The following CIC variants were observed in gnomAD, a reference collection of about 807,000 sequenced individuals.
The protein encoded by CIC is capicua transcriptional repressor, also known as protein capicua homolog.
In CIC, 18 loss-of-function variants were observed where a neutral mutation model predicts 115.7. The ratio of observed to expected loss-of-function variants is 0.16; its 90% CI spans 0.11 to 0.23. CIC has a LOEUF of 0.23. Among genes scored for constraint, CIC ranks in the 10% least tolerant of loss-of-function variants. The pLI, the probability that CIC is intolerant of heterozygous loss-of-function variation, is 1.00. For missense variants in CIC, 2,000 were observed against 2,159.3 expected, an observed-to-expected ratio of 0.93 and a Z score of 1.46; for synonymous variants, 1,076 against 923.0, an observed-to-expected ratio of 1.17 and a Z score of -3.01.
rs916100307 is a variant in CIC, at chr19:42,292,997, C to T, written c.6238C>T (p.Arg2080Trp). 2.2e-5 allele frequency: 35 copies of T among 1,613,438 alleles called. No individual in the cohort carries two copies. Among genetic ancestry groups the T allele is most frequent in the South Asian group, 5.5e-5 (5 of 91,092 alleles). The change falls in exon 16 of 21, where the codon CGG (arginine) becomes TGG (tryptophan). Residue 2080 changes from arginine to tryptophan, a missense_variant. Arg to Trp is a moderately radical substitution (Grantham distance 101). Around this residue, in one of 8 missense-constraint regions of CIC, gnomAD observed 1,466 missense variants for 1,390.4 expected, o/e 1.05. Transcript: ENST00000681038. Reference protein sequence around the residue: ...TYSLVAPKAQRPSPKAPQKVK... With the variant: ...TYSLVAPKAQWPSPKAPQKVK... ...CAGCTTAGTGGCCCCCAAGGCCCAG[C>T]GGCCCAGCCCGAAGGCCCCCCAGAA...
At chr19:42,290,130 C>A (rs1037792262) in intron 10 of CIC, 103 bp from the exon 11 acceptor site, 15 of 1,552,156 alleles carry the variant, frequency 9.7e-6, no homozygotes, top group Non-Finnish European at 1.2e-5. Flanking sequence ...AGGGGTGCAG[C>A]CCTAGGCTGG....
rs2037716622 is a variant in CIC at position 42,287,183 on chromosome 19, C to G, written c.3122C>G (p.Ser1041Cys). ...GPPPTTEEEA[S>C]GPPGEPRLDS... ...CCTCCCACCACGGAGGAGGAGGCCT[C>G]CGGCCCCCCAGGAGAGCCCCGGCTG... The change falls in exon 4 of 21, where the codon TCC becomes TGC. Residue 1041 changes from serine to cysteine, a missense_variant. This residue lies in a region of CIC where 222 missense variants were observed against 247.7 expected (regional missense o/e 0.90). Transcript: ENST00000681038. The surrounding 1 kb of genome is among the most constrained non-coding windows in gnomAD (Gnocchi z 8.7). The G allele has an allele frequency of 6.2e-7, 1 of 1,613,526 alleles. No homozygotes were observed. The highest frequency in any genetic ancestry group is 8.5e-7 in the Non-Finnish European group (1 of 1,179,870).
intron 2 of CIC, among the ~76,000 whole-genome samples, chr19:42,286,407 G>A (rs959587583): frequency 1.3e-5 from 2 of 152,090 alleles, no homozygotes; most frequent in South Asian, 4.2e-4. Context: ...GTCCCAGCCC[G>A]TAGAGGTCTG....
rs1400878994 is a variant in CIC, at chr19:42,292,078, C to A, written c.5614-8C>A. 2 of 1,613,600 alleles carry A rather than the reference C, an allele frequency of 1.2e-6. No individual in the cohort carries two copies. Among genetic ancestry groups the A allele is most frequent in the Admixed American group, 3.3e-5 (2 of 60,026 alleles). On this transcript the variant is annotated splice_polypyrimidine_tract_variant and splice_region_variant and intron_variant, in intron 12 of 20. Transcript: ENST00000681038. ...CTCACCCTGGCCTATGGGTGCCCTT[C>A]TCCACAGATCATCCAGCTGACCCCG... is the stretch of plus-strand genomic sequence containing the variant.
intron 2 of CIC, chr19:42,284,686 G>C (rs1406127580): frequency 1.3e-6 from 2 of 1,539,592 alleles, no homozygotes; most frequent in Non-Finnish European, 8.7e-7. Context: ...CCCCTGCCGG[G>C]TCCCCCCTGC....
rs1457709422 is a variant in CIC at position 42,293,770 on chromosome 19, C to G, written c.6701C>G (p.Ala2234Gly). The change falls in exon 17 of 21, where the codon GCT becomes GGT. Residue 2234 changes from alanine (A) to glycine (G), a missense_variant. Coordinates refer to ENST00000681038, the MANE Select transcript of CIC (RefSeq NM_001386298.1). ...GACACCCCGGAGCGCAAGGAGGCGG[C>G]TGGTACTGGCAAGAAGGTGAAGGTG... ...AGDTPERKEAAGTGKKVKVRP... is the reference protein window; with the variant it reads ...AGDTPERKEAGGTGKKVKVRP... The G allele has an allele frequency of 3.1e-6, 5 of 1,612,724 alleles. No homozygotes were observed. The Admixed American group carries it at 5.0e-5, about 16-fold the overall frequency.
chr19:42,288,901 C>T lies in CIC; in HGVS notation c.3672C>T (p.Leu1224=), dbSNP rs2147225277. 2 of 1,614,048 alleles carry T rather than the reference C, an allele frequency of 1.2e-6. No individual in the cohort carries two copies. Among genetic ancestry groups the T allele is most frequent in the South Asian group, 1.1e-5 (1 of 91,084 alleles). ...TCTACTTTACAGTGTCCTCTGAGCTCCTGTCCGTTGCAGCCCAGACACTCC... is the reference window on the plus strand; with the variant it reads ...TCTACTTTACAGTGTCCTCTGAGCTTCTGTCCGTTGCAGCCCAGACACTCC... The part of the protein sequence containing the change: ...TAAAPGVSSE[L]LSVAAQTLLS... Residue 1224 remains leucine, a synonymous_variant, in exon 8 of 21, where the codon CTC becomes CTT. Transcript: ENST00000681038.
chr19:42,291,779 G>A (rs1288453574), intron 12 of CIC, 34 bp downstream of exon 12: 5 of 1,609,840 alleles, frequency 3.1e-6, no homozygotes, highest in Non-Finnish European at 3.4e-6. Flanking sequence ...CCTGCTGGAT[G>A]TTGGCCCCTG....
At position 42,272,360 on chromosome 19, in the gene CIC, A is replaced by T. The variant is rs547565552; in HGVS notation, c.577A>T (p.Thr193Ser). The T allele has an allele frequency of 3.5e-3, 1,383 of 398,484 alleles. 2 individuals carry two copies. Among genetic ancestry groups the T allele is most frequent in the Non-Finnish European group, 5.2e-3 (1,174 of 225,964 alleles). 24.7% of individuals were successfully genotyped at this position (398,484 alleles called of 1,614,324 possible). Reference sequence around the variant, plus strand: ...TCCAGGCCCTTGGCCCCCTGGCAGCACCAGTGGCAGCTATGACCTGCGGCA... The same window carrying T: ...TCCAGGCCCTTGGCCCCCTGGCAGCTCCAGTGGCAGCTATGACCTGCGGCA... ...CGPGPWPPGS[T>S]SGSYDLRQLR... The change falls in exon 2 of 21, where the codon ACC (threonine) becomes TCC (serine). Residue 193 changes from threonine (T) to serine (S), a missense_variant. Coordinates refer to ENST00000681038, the MANE Select transcript of CIC (RefSeq NM_001386298.1).
At position 42,290,492 on chromosome 19, in the gene CIC, C is replaced by G. The variant is rs1009003221; in HGVS notation, c.4451C>G (p.Pro1484Arg). The G allele has an allele frequency of 6.2e-7, 1 of 1,613,596 alleles. No homozygotes were observed. Among genetic ancestry groups the G allele is most frequent in the Non-Finnish European group, 8.5e-7 (1 of 1,179,922 alleles). Residue 1484 changes from proline to arginine, a missense_variant, in exon 11 of 21, where the codon CCC becomes CGC. Pro to Arg is a moderately radical substitution (Grantham distance 103). This residue lies in a region of CIC where 1,466 missense variants were observed against 1,390.4 expected (regional missense o/e 1.05). Transcript: ENST00000681038. ...ACAGCGGGCCCCCTACGGCCCCCACCCCCTGGGGCTGGGGGTCCAGCGACA... is the reference window on the plus strand; with the variant it reads ...ACAGCGGGCCCCCTACGGCCCCCACGCCCTGGGGCTGGGGGTCCAGCGACA... ...GSTAGPLRPP[P>R]PGAGGPATPS... is the part of the protein sequence containing the mutation.
intron 2 of CIC, among the ~76,000 whole-genome samples, chr19:42,278,735 A>T (rs1413860489): frequency 6.6e-6 from 1 of 152,220 alleles, no homozygotes; most frequent in Non-Finnish European, 1.5e-5. Flanking sequence ...GTTGCCAAGC[A>T]CCAGGTCTCC....
rs1486252018 is a variant in CIC, at chr19:42,293,226, C to T, written c.6467C>T (p.Pro2156Leu). 6.3e-7 allele frequency: 1 copy of T among 1,595,594 alleles called. No homozygotes were observed. The highest frequency in any genetic ancestry group is 8.5e-7 in the Non-Finnish European group (1 of 1,172,498). Reference protein sequence around the residue: ...ETWTPTARSSPPLPPPAEERT... With the variant: ...ETWTPTARSSLPLPPPAEERT... ...TGGACTCCCACGGCCCGGAGCAGCC[C>T]CCCACTGCCCCCACCTGCTGAGGAG... is the stretch of plus-strand genomic sequence containing the variant. Residue 2156 changes from proline (P) to leucine (L), a missense_variant, in exon 16 of 21, where the codon CCC becomes CTC. This residue lies in a region of CIC where 1,466 missense variants were observed against 1,390.4 expected (regional missense o/e 1.05). Transcript: ENST00000681038.
At chr19:42,291,500 G>T (rs1340313447) in intron 11 of CIC, 34 bp downstream of exon 11, 1 of 1,613,094 alleles carries the variant, frequency 6.2e-7, no homozygotes, top group Non-Finnish European at 8.5e-7. Context: ...TAGGGGAGGG[G>T]CCATAGTCCT....
intron 2 of CIC, among the ~76,000 whole-genome samples, chr19:42,283,857 G>A (rs948705786): frequency 1.3e-5 from 2 of 151,916 alleles, no homozygotes; most frequent in Admixed American, 6.6e-5. Context: ...ACCGGAGCCC[G>A]CCCCGCCCTG....
chr19:42,294,907 C>T lies in CIC; in HGVS notation c.7270C>T (p.Arg2424Cys), dbSNP rs2147355283. The T allele has an allele frequency of 6.2e-7, 1 of 1,600,426 alleles. No individual in the cohort carries two copies. ...VCLQLKIREVRQKIMQAATPT... is the reference protein window; with the variant it reads ...VCLQLKIREVCQKIMQAATPT... ...TCTGCAGTTGAAGATCCGTGAGGTG[C>T]GCCAGAAGATCATGCAGGCTGCCAC... is the stretch of plus-strand genomic sequence containing the variant. The change falls in exon 21 of 21, where the codon CGC (arginine) becomes TGC (cysteine). Residue 2424 changes from arginine (R) to cysteine (C), a missense_variant. Physicochemically the swap from Arg to Cys is radical, Grantham distance 180 (BLOSUM62 -3). This residue lies in a region of CIC where 3 missense variants were observed against 25.8 expected (regional missense o/e 0.12). Transcript: ENST00000681038.
At position 42,274,631 on chromosome 19, in the gene CIC, T is replaced by G. The variant is rs183572082; in HGVS notation, c.2794+54T>G. The G allele has an allele frequency of 4.4e-3, 1,756 of 398,592 alleles. 7 individuals are homozygous for G. The highest frequency in any genetic ancestry group is 5.7e-3 in the Middle Eastern group (9 of 1,588). The allele number at this position is 398,592 out of a possible 1,614,324, so 24.7% of individuals were successfully genotyped here. A position where few individuals can be genotyped will look rare whatever the true frequency, so the allele number is the denominator to read the frequency against. On this transcript the variant is annotated intron_variant, in intron 2 of 20. Coordinates refer to ENST00000681038, the MANE Select transcript of CIC (RefSeq NM_001386298.1). Reference sequence around the variant, plus strand: ...CAGGCTCACCTCGTAGAGGGCCTCTTGCAAGCTGAACTCTTGAGAGGTGAG... The same window carrying G: ...CAGGCTCACCTCGTAGAGGGCCTCTGGCAAGCTGAACTCTTGAGAGGTGAG...
chr19:42,279,169 G>A (rs887027551), intron 2 of CIC, among the ~76,000 whole-genome samples: 1 of 152,242 alleles, frequency 6.6e-6, no homozygotes, highest in Admixed American at 6.5e-5. Context: ...GGCCAAAGGG[G>A]TTAAGCCTGG....
At chr19:42,292,488 A>C in intron 14 of CIC, 22 bp downstream of exon 14, 1 of 1,611,046 alleles carries the variant, frequency 6.2e-7, no homozygotes, top group South Asian at 1.1e-5. Flanking sequence ...CCTGGCAGGC[A>C]GTGCTGGGGA....
In CIC at chr19:42,287,134, G is replaced by T. The variant is rs61741480; in HGVS notation, c.3073G>T (p.Val1025Leu). The change falls in exon 4 of 21, where the codon GTG becomes TTG. Residue 1025 changes from valine to leucine, a missense_variant. This residue lies in a region of CIC where 222 missense variants were observed against 247.7 expected (regional missense o/e 0.90). Coordinates refer to ENST00000681038, the MANE Select transcript of CIC (RefSeq NM_001386298.1). The surrounding 1 kb of genome is among the most constrained non-coding windows in gnomAD (Gnocchi z 8.7). ...PGPGPPHPLG[V>L]VESGKGPPPT... ...ACCCGGACCCCCACACCCTTTGGGG[G>T]TGGTGGAATCTGGTAAGGGTCCGCC... is the stretch of plus-strand genomic sequence containing the variant. 196 of 1,613,570 alleles carry T rather than the reference G, an allele frequency of 1.2e-4. No homozygotes were observed. Among genetic ancestry groups the T allele is most frequent in the East Asian group, 2.5e-4 (11 of 44,876 alleles).
Sources: allele counts gnomAD v4.1 joint callset (sites outside exome capture counted in the v4.1 genomes callset), GRCh38; gene constraint gnomAD v4.1.1; regional missense constraint gnomAD v4.1.1; non-coding constraint Gnocchi (gnomAD v3.1); transcripts MANE v1.5; gene names NCBI Gene and HGNC (gene_info 2026-07-23, HGNC 2026-07-21).